Variants in GMCL2 observed in about 807,000 individuals in gnomAD.
GMCL2 encodes germ cell-less protein-like 2.
GMCL2 carries 33 observed loss-of-function variants against 36.2 expected under a neutral mutation model. That is an observed-to-expected ratio of 0.91 (90% CI 0.69 to 1.22). GMCL2 has a LOEUF of 1.22. Among genes scored for constraint, GMCL2 ranks in the 50% most tolerant of loss-of-function variants. The pLI is 0.00. For missense variants in GMCL2, 478 were observed against 514.5 expected, an observed-to-expected ratio of 0.93 and a Z score of 0.69; for synonymous variants, 172 against 184.3, an observed-to-expected ratio of 0.93 and a Z score of 0.54.
Position 178,186,200 on chromosome 5 carries a change from T to C in GMCL2, c.1100A>G (p.Gln367Arg), listed in dbSNP as rs1048092738. 4.7e-6 allele frequency: 4 copies of C among 844,992 alleles called. No individual in the cohort carries two copies. Among genetic ancestry groups the C allele is most frequent in the Non-Finnish European group, 8.4e-6 (4 of 477,120 alleles). 52.3% of individuals were successfully genotyped at this position (844,992 alleles called of 1,614,324 possible). Reference sequence around the variant, plus strand: ...TTCTGCCCGCAGCATAGCAAACCACTGCTGTTTATACACAGAAGACAGCCA... The same window carrying C: ...TTCTGCCCGCAGCATAGCAAACCACCGCTGTTTATACACAGAAGACAGCCA... Reference protein sequence around the residue: ...SEWLSSVYKQQWFAMLRAEQD... With the variant: ...SEWLSSVYKQRWFAMLRAEQD... Residue 367 changes from glutamine (Q) to arginine (R), a missense_variant, in exon 1 of 1, where the codon CAG becomes CGG. Physicochemically the swap from Gln to Arg is conservative, Grantham distance 43 (BLOSUM62 1). This residue lies in a region of GMCL2 where 135 missense variants were observed against 119.0 expected (regional missense o/e 1.13). Transcript: ENST00000463439.
chr5:178,186,789 G>A, the GMCL2 span: 2 of 1,609,732 alleles, frequency 1.2e-6, no homozygotes, highest in Admixed American at 1.7e-5. Context: ...ACATCATCTC[G>A]ATACAGTGAA....
rs564099608 is a variant in GMCL2, at chr5:178,187,191, C to T, written c.109G>A (p.Asp37Asn). The change falls in exon 1 of 1, where the codon GAT becomes AAT. Residue 37 changes from aspartate to asparagine, a missense_variant. Asp to Asn is a conservative substitution (Grantham distance 23). This residue lies in a region of GMCL2 where 127 missense variants were observed against 86.4 expected (regional missense o/e 1.47). Transcript: ENST00000463439. Reference sequence around the variant, plus strand: ...TAACAGAAGCCGTAGCTCGCCGCATCGTCTCCAGTGTCCGGCCTCCGGGCC... The same window carrying T: ...TAACAGAAGCCGTAGCTCGCCGCATTGTCTCCAGTGTCCGGCCTCCGGGCC... ...GSARRPDTGD[D>N]AASYGFCYCP... 348 of 1,219,352 alleles carry T rather than the reference C, an allele frequency of 2.9e-4. 1 individual carries two copies. In the African/African-American group the frequency reaches 4.5e-3, roughly 16 times the overall value. 75.5% of individuals were successfully genotyped at this position (1,219,352 alleles called of 1,614,324 possible). A position where few individuals can be genotyped will look rare whatever the true frequency, so the allele number is the denominator to read the frequency against.
Position 178,185,858 on chromosome 5 carries a change from TTAAGTA to T in GMCL2, c.1436_1441del (p.Ile479_Leu480del), listed in dbSNP as rs1456340281. ...CATCACCACTTGTTCCTGATCCTTT[TTAAGTA>T]TAAGTATTTGATAGCCAGTTGTTCT... On this transcript the variant is annotated inframe_deletion, in exon 1 of 1. Coordinates refer to ENST00000463439, the MANE Select transcript of GMCL2 (RefSeq NM_001358008.2). The T allele has an allele frequency of 9.0e-6, 8 of 888,812 alleles. No individual in the cohort carries two copies. The highest frequency in any genetic ancestry group is 1.5e-5 in the Non-Finnish European group (8 of 523,070). 55.1% of individuals were successfully genotyped at this position (888,812 alleles called of 1,614,324 possible). A position where few individuals can be genotyped will look rare whatever the true frequency, so the allele number is the denominator to read the frequency against.
chr5:178,185,568 A>C lies in GMCL2; in HGVS notation c.*151T>G, dbSNP rs1462210902. On this transcript the variant is annotated 3_prime_UTR_variant, in exon 1 of 1. Coordinates refer to ENST00000463439, the MANE Select transcript of GMCL2 (RefSeq NM_001358008.2). ...TTTTTTGTATATGCATAGAAATGCAATGAGGATAAGAATAGTCTTCTGTAT... is the reference window on the plus strand; with the variant it reads ...TTTTTTGTATATGCATAGAAATGCACTGAGGATAAGAATAGTCTTCTGTAT... Among the ~76,000 whole-genome samples, 1 of 152,372 alleles carries C rather than the reference A, an allele frequency of 6.6e-6. No individual in the cohort carries two copies. Among genetic ancestry groups the C allele is most frequent in the South Asian group, 2.1e-4 (1 of 4,830 alleles).
rs149488643 is a variant in GMCL2, at chr5:178,185,691, G to A, written c.*28C>T. The A allele has an allele frequency of 6.1e-5, 42 of 689,360 alleles. 1 individual carries two copies. In the East Asian group the frequency reaches 6.5e-4, roughly 11 times the overall value. The allele number at this position is 689,360 out of a possible 1,614,324, so 42.7% of individuals were successfully genotyped here. On this transcript the variant is annotated 3_prime_UTR_variant, in exon 1 of 1. Transcript: ENST00000463439. ...TAAAGCTGGCCTGAAAGTTTTCAAA[G>A]TGCTACTGTTTCCAACTGATGAGAT...
In GMCL2 at chr5:178,185,851, A is replaced by G; in HGVS notation, c.1449T>C (p.Asp483=). ...TGYQILILKK[D]QEQVVMNLDS... ...CCAAGTTCATCACCACTTGTTCCTG[A>G]TCCTTTTTAAGTATAAGTATTTGAT... is the stretch of plus-strand genomic sequence containing the variant. Residue 483 remains aspartate (D), a synonymous_variant, in exon 1 of 1, where the codon GAT becomes GAC. Coordinates refer to ENST00000463439, the MANE Select transcript of GMCL2 (RefSeq NM_001358008.2). The G allele has an allele frequency of 1.1e-6, 1 of 906,154 alleles. No individual in the cohort carries two copies. The highest frequency in any genetic ancestry group is 1.9e-6 in the Non-Finnish European group (1 of 538,952). The allele number at this position is 906,154 out of a possible 1,614,324, so 56.1% of individuals were successfully genotyped here. A position where few individuals can be genotyped will look rare whatever the true frequency, so the allele number is the denominator to read the frequency against.
Position 178,186,486 on chromosome 5 carries a change from C to G in GMCL2, c.814G>C (p.Glu272Gln). Residue 272 changes from glutamate (E) to glutamine (Q), a missense_variant, in exon 1 of 1, where the codon GAG becomes CAG. Around this residue, in one of 5 missense-constraint regions of GMCL2, gnomAD observed 175 missense variants for 208.0 expected, o/e 0.84. Transcript: ENST00000463439. ...TTTAGAGTGGTGTATACATCCATCT[C>G]CACTTGCATCACAAATAAGTTAGAG... ...GSSNLFVMQV[E>Q]MDVYTTLKKW... 1 of 1,432,622 alleles carries G rather than the reference C, an allele frequency of 7.0e-7. No homozygotes were observed. The highest frequency in any genetic ancestry group is 9.9e-7 in the Non-Finnish European group (1 of 1,014,418). The allele number at this position is 1,432,622 out of a possible 1,614,324, so 88.7% of individuals were successfully genotyped here.
rs938705145 is a variant in GMCL2 at position 178,184,746 on chromosome 5, A to G, written c.*973T>C. Among the ~76,000 whole-genome samples the G allele has an allele frequency of 1.3e-5, 2 of 152,170 alleles. No individual in the cohort carries two copies. Among genetic ancestry groups the G allele is most frequent in the African/African-American group, 4.8e-5 (2 of 41,434 alleles). ...TTACATTAATGCGTCATCAGCTTCT[A>G]TGTTAGATCCTCTGACCTTATTTAC... On this transcript the variant is annotated 3_prime_UTR_variant, in exon 1 of 1. Transcript: ENST00000463439.
chr5:178,187,167 A>G lies in GMCL2; in HGVS notation c.133T>C (p.Tyr45His). The G allele has an allele frequency of 8.2e-7, 1 of 1,224,582 alleles. No individual in the cohort carries two copies. Among genetic ancestry groups the G allele is most frequent in the Middle Eastern group, 1.9e-4 (1 of 5,360 alleles). 75.9% of individuals were successfully genotyped at this position (1,224,582 alleles called of 1,614,324 possible). Residue 45 changes from tyrosine to histidine, a missense_variant, in exon 1 of 1, where the codon TAC (tyrosine) becomes CAC (histidine). Coordinates refer to ENST00000463439, the MANE Select transcript of GMCL2 (RefSeq NM_001358008.2). The stretch of plus-strand genomic sequence containing the variant: ...TTGCGCTTGTGACTGCCCGGGCAGT[A>G]ACAGAAGCCGTAGCTCGCCGCATCG... ...GDDAASYGFC[Y>H]CPGSHKRKRS... is the part of the protein sequence containing the mutation.
rs2913783 is a variant in GMCL2 at position 178,187,182 on chromosome 5, T to C, written c.118A>G (p.Ser40Gly). 630,926 of 1,222,742 alleles carry C rather than the reference T, an allele frequency of 0.52. 166,936 individuals are homozygous for C. The highest frequency in any genetic ancestry group is 0.85 in the East Asian group (33,761 of 39,636). The allele number at this position is 1,222,742 out of a possible 1,614,324, so 75.7% of individuals were successfully genotyped here. A position where few individuals can be genotyped will look rare whatever the true frequency, so the allele number is the denominator to read the frequency against. The change falls in exon 1 of 1, where the codon AGC becomes GGC. Residue 40 changes from serine (S) to glycine (G), a missense_variant. Ser to Gly is a moderately conservative substitution (Grantham distance 56). Around this residue, in one of 5 missense-constraint regions of GMCL2, gnomAD observed 127 missense variants for 86.4 expected, o/e 1.47. Coordinates refer to ENST00000463439, the MANE Select transcript of GMCL2 (RefSeq NM_001358008.2). ...CCCGGGCAGTAACAGAAGCCGTAGCTCGCCGCATCGTCTCCAGTGTCCGGC... is the reference window on the plus strand; with the variant it reads ...CCCGGGCAGTAACAGAAGCCGTAGCCCGCCGCATCGTCTCCAGTGTCCGGC... ...RRPDTGDDAASYGFCYCPGSH... is the reference protein window; with the variant it reads ...RRPDTGDDAAGYGFCYCPGSH...
In GMCL2 at chr5:178,186,673, A is replaced by G. The variant is rs769351762; in HGVS notation, c.627T>C (p.Asn209=). The G allele has an allele frequency of 4.0e-6, 5 of 1,235,668 alleles. No individual in the cohort carries two copies. The highest frequency in any genetic ancestry group is 6.0e-6 in the Non-Finnish European group (5 of 834,534). The allele number at this position is 1,235,668 out of a possible 1,614,324, so 76.5% of individuals were successfully genotyped here. Residue 209 remains asparagine, a synonymous_variant, in exon 1 of 1, where the codon AAT becomes AAC. Transcript: ENST00000463439. ...TGTAATAACCGCATACAGTTTTCAC[A>G]TTAATTGTTTCCTTCATTGTCTCAC... ...QCGETMKETI[N]VKTVCGYYTS... is the part of the protein sequence containing the mutation.
rs1243311214 is a variant in GMCL2 at position 178,186,806 on chromosome 5, G to A, written c.494C>T (p.Ala165Val). 1.9e-6 allele frequency: 3 copies of A among 1,609,590 alleles called. No individual in the cohort carries two copies. The highest frequency in any genetic ancestry group is 1.3e-5 in the African/African-American group (1 of 74,796). Residue 165 changes from alanine (A) to valine (V), a missense_variant, in exon 1 of 1, where the codon GCG becomes GTG. By Grantham distance (64) the Ala-to-Val change is moderately conservative. Around this residue, in one of 5 missense-constraint regions of GMCL2, gnomAD observed 175 missense variants for 208.0 expected, o/e 0.84. Coordinates refer to ENST00000463439, the MANE Select transcript of GMCL2 (RefSeq NM_001358008.2). The stretch of plus-strand genomic sequence containing the variant: ...ATCATCTCGATACAGTGAACCAAAC[G>A]CAACCTGCAGTGCGTCTACATCAAT... Reference protein sequence around the residue: ...QNIDVDALQVAFGSLYRDDVL... With the variant: ...QNIDVDALQVVFGSLYRDDVL...
rs1410217125 is a variant in GMCL2 at position 178,185,880 on chromosome 5, C to T, written c.1420G>A (p.Gly474Ser). Residue 474 changes from glycine (G) to serine (S), a missense_variant, in exon 1 of 1, where the codon GGC becomes AGC. Transcript: ENST00000463439. ...SGKLVCSRTT[G>S]YQILILKKDQ... is the part of the protein sequence containing the mutation. ...TTTTTAAGTATAAGTATTTGATAGC[C>T]AGTTGTTCTACTACATACTAGTTTT... 3 of 814,468 alleles carry T rather than the reference C, an allele frequency of 3.7e-6. No individual in the cohort carries two copies. The Admixed American group carries it at 5.2e-5, about 14-fold the overall frequency. 50.5% of individuals were successfully genotyped at this position (814,468 alleles called of 1,614,324 possible).
At position 178,185,760 on chromosome 5, in the gene GMCL2, C is replaced by T. The variant is rs751308992; in HGVS notation, c.1540G>A (p.Gly514Arg). The T allele has an allele frequency of 4.5e-6, 4 of 894,788 alleles. No individual in the cohort carries two copies. The highest frequency in any genetic ancestry group is 7.5e-6 in the Non-Finnish European group (4 of 530,116). 55.4% of individuals were successfully genotyped at this position (894,788 alleles called of 1,614,324 possible). Residue 514 changes from glycine (G) to arginine (R), a missense_variant, in exon 1 of 1, where the codon GGA becomes AGA. This residue lies in a region of GMCL2 where 135 missense variants were observed against 119.0 expected (regional missense o/e 1.13). Coordinates refer to ENST00000463439, the MANE Select transcript of GMCL2 (RefSeq NM_001358008.2). ...TCTGGGTGACGATTATTTTCAATTC[C>T]TTTTTCTGGTGATATATACAAGAAG... ...CNFLYISPEKGIENNRHPENP... is the reference protein window; with the variant it reads ...CNFLYISPEKRIENNRHPENP...
At position 178,186,575 on chromosome 5, in the gene GMCL2, G is replaced by A. The variant is rs1249405808; in HGVS notation, c.725C>T (p.Thr242Ile). 3 of 1,234,312 alleles carry A rather than the reference G, an allele frequency of 2.4e-6. No individual in the cohort carries two copies. The highest frequency in any genetic ancestry group is 3.6e-6 in the Non-Finnish European group (3 of 833,356). 76.5% of individuals were successfully genotyped at this position (1,234,312 alleles called of 1,614,324 possible). The change falls in exon 1 of 1, where the codon ACT becomes ATT. Residue 242 changes from threonine (T) to isoleucine (I), a missense_variant. Thr to Ile is a moderately conservative substitution (Grantham distance 89). Around this residue, in one of 5 missense-constraint regions of GMCL2, gnomAD observed 175 missense variants for 208.0 expected, o/e 0.84. Transcript: ENST00000463439. ...TTTAAAAAGTTTAACATTCTGGTGA[G>A]TCATCAAATTGTTTAGAAGCCATTC... ...CLEWLLNNLM[T>I]HQNVKLFKEL...
chr5:178,186,314 G>T, the GMCL2 span: 11 of 1,321,018 alleles, frequency 8.3e-6, no homozygotes, highest in East Asian at 1.8e-4. Context: ...TCTGAATACT[G>T]ACACAAATGG....
In GMCL2 at chr5:178,187,347, T is replaced by G; in HGVS notation, c.-48A>C. The stretch of plus-strand genomic sequence containing the variant: ...CAGGGAGCCCAGAGGAGGGGGTCTC[T>G]GGCCATGGCCCGGCCGCCGCCGCCA... On this transcript the variant is annotated 5_prime_UTR_variant, in exon 1 of 1. Transcript: ENST00000463439. 2 of 709,676 alleles carry G rather than the reference T, an allele frequency of 2.8e-6. No homozygotes were observed. The highest frequency in any genetic ancestry group is 4.6e-6 in the Non-Finnish European group (2 of 438,910). 44.0% of individuals were successfully genotyped at this position (709,676 alleles called of 1,614,324 possible).
rs1433903427 is a variant in GMCL2, at chr5:178,186,264, C to G, written c.1036G>C (p.Ala346Pro). Residue 346 changes from alanine (A) to proline (P), a missense_variant, in exon 1 of 1, where the codon GCA becomes CCA. Transcript: ENST00000463439. ...ATACCATCTTGTTCAATAATTCTTG[C>G]AGAAGCTAGGTCACTGATAATATAT... ...LQYIISDLASARIIEQDGIVP... is the reference protein window; with the variant it reads ...LQYIISDLASPRIIEQDGIVP... 2 of 994,928 alleles carry G rather than the reference C, an allele frequency of 2.0e-6. No individual in the cohort carries two copies. The highest frequency in any genetic ancestry group is 1.6e-6 in the Non-Finnish European group (1 of 614,090). 61.6% of individuals were successfully genotyped at this position (994,928 alleles called of 1,614,324 possible).
In GMCL2 at chr5:178,185,372, C is replaced by T. The variant is rs1039779454; in HGVS notation, c.*347G>A. ...TTTACAGATGGATAACTGAGGTCCA[C>T]TAACATAAGGTAGAAACAAAGTTTA... On this transcript the variant is annotated 3_prime_UTR_variant, in exon 1 of 1. Coordinates refer to ENST00000463439, the MANE Select transcript of GMCL2 (RefSeq NM_001358008.2). 6.6e-6 allele frequency among the ~76,000 whole-genome samples: 1 copy of T among 152,156 alleles called. No homozygotes were observed. The highest frequency in any genetic ancestry group is 1.5e-5 in the Non-Finnish European group (1 of 68,034).
Sources: allele counts gnomAD v4.1 joint callset (sites outside exome capture counted in the v4.1 genomes callset), GRCh38; gene constraint gnomAD v4.1.1; regional missense constraint gnomAD v4.1.1; transcripts MANE v1.5; gene names NCBI Gene and HGNC (gene_info 2026-07-23, HGNC 2026-07-21).